Variants in HELLS observed in about 807,000 individuals in gnomAD.
The protein encoded by HELLS is helicase, lymphoid specific.
A neutral mutation model predicts 120.0 loss-of-function variants in HELLS; 32 were observed. That is an observed-to-expected ratio of 0.27 (90% CI 0.20 to 0.36). The LOEUF (loss-of-function observed/expected upper bound fraction) is 0.36, where lower values mean the gene tolerates loss of function less well. HELLS is among the 10% of genes least tolerant of loss of function. HELLS has a pLI of 1.00. For missense variants in HELLS, 650 were observed against 993.4 expected, an observed-to-expected ratio of 0.65 and a Z score of 4.65; for synonymous variants, 341 against 323.4, an observed-to-expected ratio of 1.05 and a Z score of -0.58.
chr10:94,550,311 C>G (rs183713726), intron 2 of HELLS, among the ~76,000 whole-genome samples: 81 of 151,654 alleles, frequency 5.3e-4, no homozygotes, highest in African/African-American at 1.7e-3. Context: ...CGGAGTCTCC[C>G]TCTGTCACCC....
At chr10:94,568,438 G>T (rs1843951303) in intron 6 of HELLS, among the ~76,000 whole-genome samples, 1 of 151,982 alleles carries the variant, frequency 6.6e-6, no homozygotes, top group South Asian at 2.1e-4. Flanking sequence ...AATTTAGGAG[G>T]TTATCTGAAT....
intron 12 of HELLS, among the ~76,000 whole-genome samples, chr10:94,585,392 T>G (rs1286412612): frequency 4.7e-5 from 7 of 149,452 alleles, no homozygotes; most frequent in African/African-American, 9.9e-5. Flanking sequence ...TTTGTTTTTT[T>G]TTTTGTTTTT....
At chr10:94,612,691 C>T (rs1429514312) in exon 10 of HELLS, 3 of 152,092 alleles carry the variant, frequency 2.0e-5, no homozygotes, top group East Asian at 3.9e-4. Context: ...TTTGGAAGGC[C>T]GAGGCGAACG....
intron 17 of HELLS, 135 bp from the exon 18 acceptor site, chr10:94,593,363 GT>G (rs2134115781): frequency 1.7e-6 from 1 of 587,852 alleles, no homozygotes; most frequent in East Asian, 2.8e-5. Flanking sequence ...TAACATAATT[GT>G]TTTATAGATC....
chr10:94,553,496 T>TCCTCGG (rs2133994872), intron 2 of HELLS, among the ~76,000 whole-genome samples: 1 of 151,112 alleles, frequency 6.6e-6, no homozygotes, highest in Admixed American at 6.6e-5. Context: ...TGATCCACCC[T>TCCTCGG]CCTCGGCCTC....
At position 94,550,516 on chromosome 10, in the gene HELLS, G is replaced by A. The variant is rs369903139; in HGVS notation, c.154-3610G>A. The stretch of plus-strand genomic sequence containing the variant: ...GGCCTGGTCTCAAACTCCTGACATC[G>A]TGATCTGCCTTCCTCGACCTCCCAA... On this transcript the variant is annotated intron_variant, in intron 2 of 21. Transcript: ENST00000348459. 5.3e-5 allele frequency among the ~76,000 whole-genome samples: 8 copies of A among 152,052 alleles called. No homozygotes were observed. The East Asian group carries it at 5.9e-4, about 11-fold the overall frequency.
intron 13 of HELLS, among the ~76,000 whole-genome samples, chr10:94,589,680 C>CTTTTTT (rs67491329): frequency 5.4e-5 from 5 of 91,990 alleles, no homozygotes; most frequent in African/African-American, 9.0e-5. Context: ...CTCCCCCCGA[C>CTTTTTT]TTTTTTTTTT....
intron 2 of HELLS, among the ~76,000 whole-genome samples, chr10:94,548,848 G>A (rs1041913517): frequency 6.6e-6 from 1 of 152,088 alleles, no homozygotes; most frequent in African/African-American, 2.4e-5. Flanking sequence ...ATAAAAATTA[G>A]CCAGATGTGG....
intron 8 of HELLS, among the ~76,000 whole-genome samples, chr10:94,607,235 T>C (rs1287296006): frequency 6.6e-6 from 1 of 152,186 alleles, no homozygotes; most frequent in Non-Finnish European, 1.5e-5. Context: ...CAACCACTTC[T>C]GGGTTTTTTA....
Position 94,592,391 on chromosome 10 carries a change from T to C in HELLS, c.1852-4T>C. ...TAGAAATATTAAGATATGTTTAATT[T>C]CAGGTGCTGCTTTTTTCACAAATGA... On this transcript the variant is annotated splice_polypyrimidine_tract_variant and splice_region_variant and intron_variant, in intron 16 of 21. Transcript: ENST00000348459. 6.3e-7 allele frequency: 1 copy of C among 1,579,742 alleles called. No homozygotes were observed. The highest frequency in any genetic ancestry group is 8.6e-7 in the Non-Finnish European group (1 of 1,166,196).
At chr10:94,577,947 C>CAGCTACTCGGGAGGCTG (rs1217274658) in intron 10 of HELLS, among the ~76,000 whole-genome samples, 4 of 152,030 alleles carry the variant, frequency 2.6e-5, no homozygotes, top group Non-Finnish European at 1.5e-5. Flanking sequence ...CCTGTAGTCC[C>CAGCTACTCGGGAGGCTG]AGCTACTCGG....
chr10:94,584,112 A>T, intron 12 of HELLS: 1 of 1,363,732 alleles, frequency 7.3e-7, no homozygotes, highest in Non-Finnish European at 9.7e-7. Context: ...CTCAAGCTTC[A>T]TACCAATTTT....
chr10:94,562,912 T>A, intron 6 of HELLS, 36 bp downstream of exon 6: 1 of 1,262,022 alleles, frequency 7.9e-7, no homozygotes, highest in Non-Finnish European at 1.1e-6. Flanking sequence ...TAACATTTGA[T>A]GTTGAGTAAA....
At position 94,582,919 on chromosome 10, in the gene HELLS, A is replaced by G. The variant is rs554887110; in HGVS notation, c.1230-44A>G. 9 of 1,029,790 alleles carry G rather than the reference A, an allele frequency of 8.7e-6. No homozygotes were observed. The South Asian group carries it at 1.3e-4, about 15-fold the overall frequency. 63.8% of individuals were successfully genotyped at this position (1,029,790 alleles called of 1,614,324 possible). On this transcript the variant is annotated intron_variant, in intron 11 of 21. Transcript: ENST00000348459. ...ATAAATCATGTATCATGTTGACATAATTGAATTTATGTGATGGTTAACTTA... is the reference window on the plus strand; with the variant it reads ...ATAAATCATGTATCATGTTGACATAGTTGAATTTATGTGATGGTTAACTTA...
At chr10:94,596,747 C>T (rs750002477) in intron 19 of HELLS, 113 bp from the exon 20 acceptor site, 1 of 582,878 alleles carries the variant, frequency 1.7e-6, no homozygotes, top group Non-Finnish European at 3.0e-6. Flanking sequence ...TATTTTTTAT[C>T]AACACTTTTT....
At chr10:94,603,162 T>C (rs1489809243), downstream of HELLS, among the ~76,000 whole-genome samples, 7 of 152,240 alleles carry the variant, frequency 4.6e-5, no homozygotes, top group Non-Finnish European at 1.0e-4. Flanking sequence ...CAATGTCTCA[T>C]TTCTTTTATA....
Position 94,576,754 on chromosome 10 carries a change from T to C in HELLS, c.981T>C (p.Pro327=). ...GGAAAGGGACTTTGCAGATTCATCCTGTGGTAATCACGTCATTTGAAATAG... is the reference window on the plus strand; with the variant it reads ...GGAAAGGGACTTTGCAGATTCATCCCGTGGTAATCACGTCATTTGAAATAG... The part of the protein sequence containing the change: ...YKRKGTLQIH[P]VVITSFEIAM... Residue 327 remains proline, a synonymous_variant, in exon 10 of 22, where the codon CCT becomes CCC. Transcript: ENST00000348459. 3 of 1,611,654 alleles carry C rather than the reference T, an allele frequency of 1.9e-6. No individual in the cohort carries two copies. Among genetic ancestry groups the C allele is most frequent in the Non-Finnish European group, 2.5e-6 (3 of 1,178,616 alleles).
At chr10:94,585,017 G>A (rs1232714213) in intron 12 of HELLS, among the ~76,000 whole-genome samples, 1 of 151,818 alleles carries the variant, frequency 6.6e-6, no homozygotes, top group African/African-American at 2.4e-5. Flanking sequence ...GTTTTAAATC[G>A]CTAGTATATT....
intron 6 of HELLS, chr10:94,570,189 G>C (rs1844071063): frequency 6.6e-6 from 1 of 151,806 alleles, no homozygotes; most frequent in African/African-American, 2.4e-5. Context: ...CTACAGGCGT[G>C]TACCACCAAG....
Sources: allele counts gnomAD v4.1 joint callset (sites outside exome capture counted in the v4.1 genomes callset), GRCh38; gene constraint gnomAD v4.1.1; transcripts MANE v1.5; gene names NCBI Gene and HGNC (gene_info 2026-07-23, HGNC 2026-07-21).